GRIN2A: variants seen among roughly 807,000 people sequenced by gnomAD.
The protein encoded by GRIN2A is glutamate ionotropic receptor NMDA type subunit 2A, also known as glutamate receptor ionotropic, NMDA 2A.
Under a neutral mutation model 113.4 loss-of-function variants are expected in GRIN2A, and 22 were observed. The observed-to-expected ratio is 0.19, with a 90% CI of 0.14 to 0.28. The LOEUF is 0.28. GRIN2A is among the 10% of genes least tolerant of loss of function. The pLI, the probability that GRIN2A is intolerant of heterozygous loss-of-function variation, is 1.00. For synonymous variants in GRIN2A, 827 were observed against 738.4 expected (o/e 1.12, Z -1.94); for missense variants, 1,502 against 1,887.0 (o/e 0.80, Z 3.78).
At chr16:9,995,280 A>G (rs2046201839) in intron 2 of GRIN2A, among the ~76,000 whole-genome samples, 1 of 152,202 alleles carries the variant, frequency 6.6e-6, no homozygotes, top group Non-Finnish European at 1.5e-5. Flanking sequence ...AGACACAAAG[A>G]GGTCAAACAG....
At chr16:10,152,417 G>A (rs1275002034) in intron 2 of GRIN2A, among the ~76,000 whole-genome samples, 1 of 152,132 alleles carries the variant, frequency 6.6e-6, no homozygotes, top group Non-Finnish European at 1.5e-5. Flanking sequence ...ATTTAACGTG[G>A]ACATAATGAT....
chr16:9,994,160 G>A (rs138800825), intron 2 of GRIN2A, among the ~76,000 whole-genome samples: 1 of 152,140 alleles, frequency 6.6e-6, no homozygotes, highest in Admixed American at 6.6e-5. Flanking sequence ...AAAATGGAAT[G>A]AATGATCTAG....
intron 2 of GRIN2A, among the ~76,000 whole-genome samples, chr16:10,177,124 CT>C (rs1344972674): frequency 6.6e-6 from 1 of 152,186 alleles, no homozygotes; most frequent in Admixed American, 6.5e-5. Context: ...GTGACTGTTT[CT>C]TTGGAGACAA....
chr16:9,807,240 G>C (rs1255768482), intron 10 of GRIN2A, among the ~76,000 whole-genome samples: 1 of 58,276 alleles, frequency 1.7e-5, no homozygotes, highest in Non-Finnish European at 3.5e-5. Context: ...TGGGGGGAGA[G>C]AGGGAGGGAG....
At chr16:9,954,334 T>C (rs1163981434) in intron 2 of GRIN2A, among the ~76,000 whole-genome samples, 1 of 152,168 alleles carries the variant, frequency 6.6e-6, no homozygotes, top group Non-Finnish European at 1.5e-5. Flanking sequence ...GAAAATTAGA[T>C]GTGCACATGG....
rs753647469 is a variant in GRIN2A, at chr16:9,763,488, C to G, written c.4056G>C (p.Lys1352Asn). Reference protein sequence around the residue: ...SLFPQGLEDSKRSKSLLPDHT... With the variant: ...SLFPQGLEDSNRSKSLLPDHT... Reference sequence around the variant, plus strand: ...GGTCTGGCAAGAGAGACTTGCTCCTCTTGCTGTCCTCCAGACCTTGGGGGA... The same window carrying G: ...GGTCTGGCAAGAGAGACTTGCTCCTGTTGCTGTCCTCCAGACCTTGGGGGA... Residue 1352 changes from lysine (K) to asparagine (N), a missense_variant, in exon 13 of 13, where the codon AAG becomes AAC. By Grantham distance (94) the Lys-to-Asn change is moderately conservative. Transcript: ENST00000330684. 6.2e-7 allele frequency: 1 copy of G among 1,614,098 alleles called. No individual in the cohort carries two copies. Among genetic ancestry groups the G allele is most frequent in the East Asian group, 2.2e-5 (1 of 44,848 alleles).
intron 5 of GRIN2A, among the ~76,000 whole-genome samples, chr16:9,844,813 G>A (rs987698288): frequency 3.9e-5 from 6 of 152,070 alleles, no homozygotes; most frequent in Non-Finnish European, 5.9e-5. Flanking sequence ...GCCATTTCTC[G>A]CTACACATCA....
rs192941557 is a variant in GRIN2A at position 10,065,127 on chromosome 16, T to C, written c.414+114871A>G. Among the ~76,000 whole-genome samples the C allele has an allele frequency of 1.9e-3, 292 of 152,312 alleles. 2 individuals carry two copies. Among genetic ancestry groups the C allele is most frequent in the Non-Finnish European group, 2.9e-3 (200 of 68,032 alleles). The stretch of plus-strand genomic sequence containing the variant: ...AACAGAAAATTAATCTCTGATGCAA[T>C]TGGGCATTCATACATGCCAGTAAGT... On this transcript the variant is annotated intron_variant, in intron 2 of 12. Transcript: ENST00000330684.
chr16:10,038,310 T>A (rs370112290), intron 2 of GRIN2A, among the ~76,000 whole-genome samples: 1 of 152,096 alleles, frequency 6.6e-6, no homozygotes, highest in African/African-American at 2.4e-5. Context: ...ACTTTGGAGA[T>A]CAAGATTTCA....
chr16:10,157,849 G>A (rs2049731939), intron 2 of GRIN2A, among the ~76,000 whole-genome samples: 1 of 152,018 alleles, frequency 6.6e-6, no homozygotes, highest in Non-Finnish European at 1.5e-5. Context: ...TATTACTACT[G>A]TAATCTTTAT....
At chr16:9,809,857 C>T (rs927302181) in intron 10 of GRIN2A, among the ~76,000 whole-genome samples, 2 of 152,132 alleles carry the variant, frequency 1.3e-5, no homozygotes, top group African/African-American at 2.4e-5. Flanking sequence ...CCCCTGAGGT[C>T]GGGAGTTCGA....
At chr16:10,100,843 C>A (rs1380358452) in intron 2 of GRIN2A, among the ~76,000 whole-genome samples, 1 of 152,214 alleles carries the variant, frequency 6.6e-6, no homozygotes, top group Admixed American at 6.5e-5. Flanking sequence ...GCCAGGCTCC[C>A]TAACCACTGG....
intron 2 of GRIN2A, chr16:10,033,901 G>C (rs1567248461): frequency 6.6e-6 from 1 of 152,492 alleles, no homozygotes; most frequent in East Asian, 1.9e-4. Context: ...GCCAACCATA[G>C]GAAAGGCAGC....
chr16:9,996,814 C>G (rs1169636570), intron 2 of GRIN2A, among the ~76,000 whole-genome samples: 2 of 152,086 alleles, frequency 1.3e-5, no homozygotes, highest in African/African-American at 4.8e-5. Flanking sequence ...GTGGGGATTT[C>G]AAACCAGGAC....
chr16:10,181,222 T>C (rs1053732731), intron 1 of GRIN2A, among the ~76,000 whole-genome samples: 1 of 127,586 alleles, frequency 7.8e-6, no homozygotes, highest in East Asian at 2.4e-4. Flanking sequence ...CACACACACA[T>C]GTTCACACAC....
At chr16:10,125,375 A>G (rs1260321265) in intron 2 of GRIN2A, among the ~76,000 whole-genome samples, 1 of 152,180 alleles carries the variant, frequency 6.6e-6, no homozygotes. Flanking sequence ...GATGCTGGAC[A>G]GAACAACCCC....
chr16:10,147,415 G>C (rs34144132), intron 2 of GRIN2A, among the ~76,000 whole-genome samples: 88,705 of 145,438 alleles, frequency 0.61, 27,422 homozygotes, highest in East Asian at 0.92. Context: ...TCGAGACCAG[G>C]CTTGGGCAAC....
At chr16:9,853,366 G>A (rs1034268070) in intron 4 of GRIN2A, among the ~76,000 whole-genome samples, 1 of 152,186 alleles carries the variant, frequency 6.6e-6, no homozygotes, top group African/African-American at 2.4e-5. Flanking sequence ...GGTCATGAAG[G>A]TGGAGCCCTC....
At chr16:9,859,724 T>C (rs1333179702) in intron 4 of GRIN2A, among the ~76,000 whole-genome samples, 1 of 151,872 alleles carries the variant, frequency 6.6e-6, no homozygotes, top group Non-Finnish European at 1.5e-5. Context: ...TGCCTATGCC[T>C]ACACTATTTC....
Sources: gnomAD v4.1 joint callset for allele counts (sites outside exome capture counted in the v4.1 genomes callset) on GRCh38, gnomAD v4.1.1 for gene constraint, MANE v1.5 for transcripts, NCBI Gene and HGNC (gene_info 2026-07-23, HGNC 2026-07-21) for gene names.